MRPS6: variants seen among roughly 807,000 people sequenced by gnomAD.
The protein encoded by MRPS6 is small ribosomal subunit protein bS6m.
In MRPS6, 6 loss-of-function variants were observed where a neutral mutation model predicts 13.1. The ratio of observed to expected loss-of-function variants is 0.46; its 90% CI spans 0.25 to 0.91. MRPS6 has a LOEUF of 0.91. MRPS6 is among the 40% of genes least tolerant of loss of function. The pLI is 0.18. For synonymous variants in MRPS6, 61 were observed against 56.5 expected, an observed-to-expected ratio of 1.08 and a Z score of -0.36; for missense variants, 164 against 155.6, an observed-to-expected ratio of 1.05 and a Z score of -0.29.
intron 1 of MRPS6, among the ~76,000 whole-genome samples, chr21:34,085,504 T>C (rs563037518): frequency 1.3e-5 from 2 of 152,196 alleles, no homozygotes; most frequent in Non-Finnish European, 2.9e-5. Flanking sequence ...GGTTTTAGCA[T>C]CTGTTGGTGA....
chr21:34,125,153 CAT>C, intron 1 of MRPS6, 186 bp from the exon 2 acceptor site: 1 of 909,658 alleles, frequency 1.1e-6, no homozygotes, highest in Non-Finnish European at 1.6e-6. Context: ...TGAGCTATCT[CAT>C]ATCCTTACAA....
chr21:34,142,640 A>C lies in MRPS6; in HGVS notation c.*40A>C. 1.3e-6 allele frequency: 2 copies of C among 1,531,580 alleles called. No individual in the cohort carries two copies. The highest frequency in any genetic ancestry group is 1.3e-5 in the South Asian group (1 of 75,790). 94.9% of individuals were successfully genotyped at this position (1,531,580 alleles called of 1,614,324 possible). A position where few individuals can be genotyped will look rare whatever the true frequency, so the allele number is the denominator to read the frequency against. On this transcript the variant is annotated 3_prime_UTR_variant, in exon 3 of 3. Transcript: ENST00000399312. ...TTTTAGCCTTATATGTAATTCCTTC[A>C]CATTTGGGCAGCATGGACGAGAAGG...
intron 2 of MRPS6, among the ~76,000 whole-genome samples, chr21:34,129,750 T>C (rs1252815646): frequency 2.0e-5 from 3 of 152,184 alleles, no homozygotes; most frequent in African/African-American, 7.2e-5. Flanking sequence ...TTCTCGTGCC[T>C]TTCTGCCAGT....
At chr21:34,137,604 C>T (rs1245206471) in intron 2 of MRPS6, among the ~76,000 whole-genome samples, 3 of 152,156 alleles carry the variant, frequency 2.0e-5, no homozygotes, top group Non-Finnish European at 4.4e-5. Context: ...CCTTACTGCA[C>T]TGGCTAGAAC....
intron 1 of MRPS6, among the ~76,000 whole-genome samples, chr21:34,106,637 A>G (rs1484880013): frequency 6.6e-6 from 1 of 152,238 alleles, no homozygotes; most frequent in Non-Finnish European, 1.5e-5. Context: ...CTTCTGAAGC[A>G]TAAATATTTT....
chr21:34,085,692 C>A (rs1630747), intron 1 of MRPS6, among the ~76,000 whole-genome samples: 104,395 of 150,734 alleles, frequency 0.69, 37,247 homozygotes, highest in East Asian at 0.88. Flanking sequence ...AGCTCTGCCT[C>A]CCGGGTTTCA....
At chr21:34,118,434 C>T (rs1018121180) in intron 1 of MRPS6, among the ~76,000 whole-genome samples, 4 of 152,088 alleles carry the variant, frequency 2.6e-5, no homozygotes, top group Non-Finnish European at 5.9e-5. Flanking sequence ...ACAGTTTCAA[C>T]CTGTATTGCT....
At chr21:34,113,276 C>A (rs1300427339) in intron 1 of MRPS6, among the ~76,000 whole-genome samples, 1 of 152,108 alleles carries the variant, frequency 6.6e-6, no homozygotes, top group African/African-American at 2.4e-5. Flanking sequence ...GTCTGTATTC[C>A]TGTGTTCGTT....
intron 1 of MRPS6, chr21:34,106,118 A>G: frequency 1.0e-6 from 1 of 997,832 alleles, no homozygotes; most frequent in Non-Finnish European, 1.2e-6. Context: ...AGCCTTCAAA[A>G]GTATTTGGAA....
chr21:34,109,227 GT>G (rs914983841), intron 1 of MRPS6, among the ~76,000 whole-genome samples: 3 of 151,786 alleles, frequency 2.0e-5, no homozygotes, highest in African/African-American at 7.3e-5. Flanking sequence ...CTTCAAGATA[GT>G]TTTTTTTCTG....
chr21:34,077,248 A>G (rs774028551), intron 1 of MRPS6, among the ~76,000 whole-genome samples: 1 of 152,240 alleles, frequency 6.6e-6, no homozygotes, highest in Non-Finnish European at 1.5e-5. Flanking sequence ...CGCATACTGT[A>G]TAATGTAGAG....
At chr21:34,139,234 C>T (rs1337278634) in intron 2 of MRPS6, among the ~76,000 whole-genome samples, 5 of 149,682 alleles carry the variant, frequency 3.3e-5, no homozygotes, top group Admixed American at 3.3e-4. Flanking sequence ...ATTCCTAATG[C>T]TAAATGACGA....
intron 1 of MRPS6, among the ~76,000 whole-genome samples, chr21:34,109,693 G>A (rs564266579): frequency 6.6e-6 from 1 of 152,150 alleles, no homozygotes; most frequent in Non-Finnish European, 1.5e-5. Context: ...GAGGTGCCCA[G>A]TGTTGGTATG....
In MRPS6 at chr21:34,095,522, C is replaced by T. The variant is rs746867702; in HGVS notation, c.45+21777C>T. On this transcript the variant is annotated intron_variant, in intron 1 of 2. Transcript: ENST00000399312. ...TTTACATCCGGTCAGGGGTATATAC[C>T]ATGCCTGAATACTTGTCCAAGCGAT... 8 of 1,613,940 alleles carry T rather than the reference C, an allele frequency of 5.0e-6. No homozygotes were observed. The South Asian group carries it at 6.6e-5, about 13-fold the overall frequency.
intron 1 of MRPS6, among the ~76,000 whole-genome samples, chr21:34,074,381 C>G (rs890320804): frequency 2.0e-5 from 3 of 152,274 alleles, no homozygotes; most frequent in African/African-American, 7.2e-5. Flanking sequence ...AAATCCCGCT[C>G]CGGGTGCCCT....
At chr21:34,084,800 T>G (rs1309499352) in intron 1 of MRPS6, among the ~76,000 whole-genome samples, 1 of 152,206 alleles carries the variant, frequency 6.6e-6, no homozygotes. Flanking sequence ...TATCTTAAAA[T>G]TTTTTTCATT....
intron 1 of MRPS6, chr21:34,098,637 G>A: frequency 1.0e-6 from 1 of 1,000,250 alleles, no homozygotes; most frequent in Non-Finnish European, 1.2e-6. Flanking sequence ...TGGATAGCAT[G>A]TTTGAGAGGT....
chr21:34,097,203 C>T, intron 1 of MRPS6: 1 of 1,614,054 alleles, frequency 6.2e-7, no homozygotes, highest in Non-Finnish European at 8.5e-7. Context: ...AAGTAAGAGC[C>T]TCAGCAAGAG....
At position 34,096,499 on chromosome 21, in the gene MRPS6, G is replaced by C; in HGVS notation, c.45+22754G>C. ...GTGCCAATCATCGTGGAGATGCAAG[G>C]AGGCCAGATGTACCTTTACATTCAG... On this transcript the variant is annotated intron_variant, in intron 1 of 2. Transcript: ENST00000399312. The surrounding 1 kb of genome is among the most constrained non-coding windows in gnomAD (Gnocchi z 5.9). 1 of 1,614,190 alleles carries C rather than the reference G, an allele frequency of 6.2e-7. No individual in the cohort carries two copies. The highest frequency in any genetic ancestry group is 8.5e-7 in the Non-Finnish European group (1 of 1,180,026).
Sources: gnomAD v4.1 joint callset for allele counts (sites outside exome capture counted in the v4.1 genomes callset) on GRCh38, gnomAD v4.1.1 for gene constraint, Gnocchi (gnomAD v3.1) non-coding constraint, MANE v1.5 for transcripts, NCBI Gene and HGNC (gene_info 2026-07-23, HGNC 2026-07-21) for gene names.